Variants in ATE1 observed in about 807,000 individuals in gnomAD.
ATE1 encodes arginyl-tRNA--protein transferase 1.
ATE1 carries 36 observed loss-of-function variants against 70.5 expected under a neutral mutation model. The ratio of observed to expected loss-of-function variants is 0.51; its 90% CI spans 0.39 to 0.67. The LOEUF (loss-of-function observed/expected upper bound fraction) is 0.67, where lower values mean the gene tolerates loss of function less well. ATE1 is among the 30% of genes least tolerant of loss of function. The pLI is 0.00. For missense variants in ATE1, 593 were observed against 629.5 expected (o/e 0.94, Z 0.62); for synonymous variants, 232 against 219.3 (o/e 1.06, Z -0.51).
intron 7 of ATE1, among the ~76,000 whole-genome samples, chr10:121,873,672 G>A (rs1315630512): frequency 2.7e-5 from 4 of 148,358 alleles, no homozygotes; most frequent in South Asian, 2.1e-4. Context: ...TGGATGTAAT[G>A]ACTTCCTTTT....
intron 11 of ATE1, among the ~76,000 whole-genome samples, chr10:121,774,985 C>A (rs1205948485): frequency 6.6e-6 from 1 of 152,122 alleles, no homozygotes; most frequent in Non-Finnish European, 1.5e-5. Context: ...AAGGTCACAC[C>A]TTTCTCAAAA....
chr10:121,806,071 A>C (rs1947083504), intron 10 of ATE1, among the ~76,000 whole-genome samples: 1 of 152,182 alleles, frequency 6.6e-6, no homozygotes, highest in African/African-American at 2.4e-5. Context: ...AGAAACAACC[A>C]GACAAATTCA....
intron 11 of ATE1, 77 bp downstream of exon 11, chr10:121,790,092 T>G: frequency 6.3e-7 from 1 of 1,587,938 alleles, no homozygotes; most frequent in Non-Finnish European, 8.6e-7. Context: ...TGGACCCTGT[T>G]AAGAGCCACA....
At chr10:121,854,273 CAT>C in intron 8 of ATE1, among the ~76,000 whole-genome samples, 1 of 152,206 alleles carries the variant, frequency 6.6e-6, no homozygotes, top group East Asian at 1.9e-4. Flanking sequence ...CATTCACATG[CAT>C]ATATCTTAAT....
intron 10 of ATE1, among the ~76,000 whole-genome samples, chr10:121,793,543 C>A (rs150656392): frequency 3.3e-5 from 5 of 152,280 alleles, no homozygotes; most frequent in African/African-American, 1.2e-4. Context: ...ACTACCAAAA[C>A]TTTCCATCTT....
chr10:121,882,998 G>T (rs1267520204), intron 7 of ATE1, among the ~76,000 whole-genome samples: 1 of 152,092 alleles, frequency 6.6e-6, no homozygotes, highest in Non-Finnish European at 1.5e-5. Flanking sequence ...AACAATAGAA[G>T]TGAAAATGAG....
chr10:121,778,422 C>T (rs912487846), intron 11 of ATE1, among the ~76,000 whole-genome samples: 4 of 152,136 alleles, frequency 2.6e-5, no homozygotes, highest in African/African-American at 4.8e-5. Flanking sequence ...TTGATACAAA[C>T]GAGGCACTTC....
chr10:121,923,558 T>A (rs1255424214), intron 2 of ATE1, among the ~76,000 whole-genome samples: 1 of 152,204 alleles, frequency 6.6e-6, no homozygotes, highest in African/African-American at 2.4e-5. Context: ...CTTTTGAATC[T>A]CATTAAGTTT....
chr10:121,829,376 A>G (rs985956623), intron 10 of ATE1, among the ~76,000 whole-genome samples: 17 of 151,994 alleles, frequency 1.1e-4, no homozygotes, highest in African/African-American at 3.9e-4. Flanking sequence ...GTGAGCAGAG[A>G]TCGTGCCACT....
At chr10:121,811,719 G>A (rs74992784) in intron 10 of ATE1, among the ~76,000 whole-genome samples, 1,604 of 152,148 alleles carry the variant, frequency 0.011, 31 homozygotes, top group African/African-American at 0.036. Flanking sequence ...AAACTCCTGG[G>A]AATGAATTTA....
At chr10:121,915,161 T>C (rs1951596076) in intron 3 of ATE1, among the ~76,000 whole-genome samples, 1 of 152,140 alleles carries the variant, frequency 6.6e-6, no homozygotes, top group South Asian at 2.1e-4. Flanking sequence ...TTTAAAAAAA[T>C]CCTTAGGAAG....
intron 3 of ATE1, among the ~76,000 whole-genome samples, chr10:121,918,876 G>A (rs1951765792): frequency 6.6e-6 from 1 of 152,146 alleles, no homozygotes; most frequent in African/African-American, 2.4e-5. Context: ...TCAGCTCTCT[G>A]TAGCTAGGAT....
At chr10:121,896,022 TTAA>T (rs1950769427) in intron 7 of ATE1, among the ~76,000 whole-genome samples, 1 of 152,312 alleles carries the variant, frequency 6.6e-6, no homozygotes, top group African/African-American at 2.4e-5. Context: ...GATGTCTATA[TTAA>T]TAACTTTTAA....
At chr10:121,870,897 A>G (rs1410746740) in intron 7 of ATE1, among the ~76,000 whole-genome samples, 2 of 152,312 alleles carry the variant, frequency 1.3e-5, no homozygotes, top group East Asian at 3.9e-4. Flanking sequence ...TTTGAGATTT[A>G]CTGTTAATAA....
intron 7 of ATE1, among the ~76,000 whole-genome samples, chr10:121,882,873 G>A (rs1950269040): frequency 6.6e-6 from 1 of 152,122 alleles, no homozygotes; most frequent in Non-Finnish European, 1.5e-5. Flanking sequence ...AACAATGTAT[G>A]TTCAAATTAA....
At chr10:121,800,436 C>T (rs905409671) in intron 10 of ATE1, among the ~76,000 whole-genome samples, 4 of 152,136 alleles carry the variant, frequency 2.6e-5, no homozygotes, top group Non-Finnish European at 5.9e-5. Flanking sequence ...CAAAACCAAA[C>T]GAACTTTCCT....
At chr10:121,745,330 C>T (rs1564802579) in intron 11 of ATE1, among the ~76,000 whole-genome samples, 1 of 152,154 alleles carries the variant, frequency 6.6e-6, no homozygotes, top group Non-Finnish European at 1.5e-5. Context: ...TGAAAAATAC[C>T]AAAGCCTGGA....
chr10:121,888,230 T>C lies in ATE1; in HGVS notation c.942+11636A>G, dbSNP rs893078239. Among the ~76,000 whole-genome samples, 14 of 152,118 alleles carry C rather than the reference T, an allele frequency of 9.2e-5. No homozygotes were observed. The South Asian group carries it at 1.2e-3, about 14-fold the overall frequency. On this transcript the variant is annotated intron_variant, in intron 7 of 11. Transcript: ENST00000224652. ...TAACACAGTGAAACCCTGTCTCTTC[T>C]AAAAATACAAAAAATTAGCCGGGCG...
At chr10:121,927,743 G>A (rs1422665917) in intron 1 of ATE1, 101 bp downstream of exon 1, 3 of 1,384,740 alleles carry the variant, frequency 2.2e-6, no homozygotes, top group Admixed American at 3.1e-5. Context: ...CCGTGGCACT[G>A]GGGCCAGGGG....
Sources: allele counts gnomAD v4.1 joint callset (sites outside exome capture counted in the v4.1 genomes callset), GRCh38; gene constraint gnomAD v4.1.1; transcripts MANE v1.5; gene names NCBI Gene and HGNC (gene_info 2026-07-23, HGNC 2026-07-21).